The following FHIT variants were observed in gnomAD, a reference collection of about 807,000 sequenced individuals.
FHIT encodes fragile histidine triad diadenosine triphosphatase.
Under a neutral mutation model 17.9 loss-of-function variants are expected in FHIT, and 19 were observed. The ratio of observed to expected loss-of-function variants is 1.06; its 90% CI spans 0.74 to 1.56. The LOEUF is 1.56. Ranked by LOEUF, FHIT falls within the 40% of genes most tolerant of loss-of-function variation. FHIT has a pLI of 0.00. For missense variants in FHIT, 248 were observed against 189.2 expected, an observed-to-expected ratio of 1.31 and a Z score of -1.82; for synonymous variants, 81 against 69.7, an observed-to-expected ratio of 1.16 and a Z score of -0.81.
chr3:61,213,782 A>G (rs1344998903), intron 1 of FHIT, among the ~76,000 whole-genome samples: 1 of 152,246 alleles, frequency 6.6e-6, no homozygotes, highest in African/African-American at 2.4e-5. Context: ...CAAATGTAAA[A>G]GAACAGAAAT....
intron 5 of FHIT, among the ~76,000 whole-genome samples, chr3:60,392,343 C>T (rs1701266424): frequency 6.6e-6 from 1 of 152,048 alleles, no homozygotes; most frequent in African/African-American, 2.4e-5. Context: ...GGGGGCAATG[C>T]CCAAAATAAA....
At chr3:60,420,058 A>G (rs1051454949) in intron 5 of FHIT, among the ~76,000 whole-genome samples, 1 of 152,144 alleles carries the variant, frequency 6.6e-6, no homozygotes, top group African/African-American at 2.4e-5. Flanking sequence ...ACAATTCTGA[A>G]TCTTGCTTTA....
chr3:60,226,106 T>C (rs1704186874), intron 5 of FHIT, among the ~76,000 whole-genome samples: 1 of 151,984 alleles, frequency 6.6e-6, no homozygotes, highest in Non-Finnish European at 1.5e-5. Context: ...GGGGAATCCA[T>C]TTGGGGAAGA....
At position 60,859,723 on chromosome 3, in the gene FHIT, A is replaced by ATTTTTTTTTTTTTTTTT. The variant is rs71092647; in HGVS notation, c.-110-37729_-110-37713dup. Among the ~76,000 whole-genome samples the ATTTTTTTTTTTTTTTTT allele has an allele frequency of 7.5e-4, 39 of 51,924 alleles. 6 individuals carry two copies. The highest frequency in any genetic ancestry group is 9.5e-4 in the Non-Finnish European group (28 of 29,368). The allele number at this position is 51,924 out of a possible 152,430, so 34.1% of individuals were successfully genotyped here. On this transcript the variant is annotated intron_variant, in intron 3 of 9. Transcript: ENST00000492590. The stretch of plus-strand genomic sequence containing the variant: ...ACATTTGCAGTGGATTCTGAATACG[A>ATTTTTTTTTTTTTTTTT]TTTTTTTTTTTTTTTTTTTTTTTTT...
chr3:60,305,879 G>A (rs1405830812), intron 5 of FHIT, among the ~76,000 whole-genome samples: 1 of 152,120 alleles, frequency 6.6e-6, no homozygotes, highest in East Asian at 1.9e-4. Context: ...GTTTTATGAA[G>A]ACGGTTTTTG....
intron 7 of FHIT, among the ~76,000 whole-genome samples, chr3:59,974,900 T>C (rs576271310): frequency 1.3e-5 from 2 of 152,250 alleles, no homozygotes; most frequent in East Asian, 1.9e-4. Flanking sequence ...CAAAAGCAGG[T>C]TGCATTCTAC....
intron 7 of FHIT, among the ~76,000 whole-genome samples, chr3:59,976,303 A>G (rs1197046537): frequency 6.6e-6 from 1 of 152,232 alleles, no homozygotes; most frequent in South Asian, 2.1e-4. Context: ...TATATGGTAT[A>G]AGCAAATCCA....
At chr3:61,192,279 G>T (rs1439612056) in intron 2 of FHIT, among the ~76,000 whole-genome samples, 1 of 152,178 alleles carries the variant, frequency 6.6e-6, no homozygotes, top group African/African-American at 2.4e-5. Flanking sequence ...CTCTTATTCT[G>T]ATGGGTTTTT....
intron 5 of FHIT, among the ~76,000 whole-genome samples, chr3:60,251,501 A>T (rs532092013): frequency 6.6e-6 from 1 of 152,334 alleles, no homozygotes; most frequent in African/African-American, 2.4e-5. Flanking sequence ...TCAAGTGAAA[A>T]AACTAAAATT....
chr3:60,159,736 C>T (rs1035807805), intron 5 of FHIT, among the ~76,000 whole-genome samples: 1 of 152,130 alleles, frequency 6.6e-6, no homozygotes, highest in African/African-American at 2.4e-5. Context: ...CAGTTCAAAG[C>T]TGAGGAAACT....
At chr3:60,759,724 A>G (rs996391843) in intron 4 of FHIT, among the ~76,000 whole-genome samples, 2 of 152,202 alleles carry the variant, frequency 1.3e-5, no homozygotes, top group African/African-American at 4.8e-5. Flanking sequence ...TAAGAATAGA[A>G]CTGAGTAGAA....
At chr3:59,930,179 A>G (rs1307801264) in intron 7 of FHIT, among the ~76,000 whole-genome samples, 1 of 152,188 alleles carries the variant, frequency 6.6e-6, no homozygotes. Context: ...CTGGGGAGAC[A>G]TCAATACTCC....
intron 4 of FHIT, among the ~76,000 whole-genome samples, chr3:60,754,631 CA>C (rs1189966755): frequency 1.2e-3 from 173 of 140,680 alleles, no homozygotes; most frequent in Middle Eastern, 7.6e-3. Context: ...AACTCTGTCT[CA>C]AAAAAAAAAA....
At chr3:60,475,338 T>G (rs1273554359) in intron 5 of FHIT, among the ~76,000 whole-genome samples, 1 of 152,140 alleles carries the variant, frequency 6.6e-6, no homozygotes, top group East Asian at 1.9e-4. Flanking sequence ...ATGCCACAGG[T>G]TTGAAAAACA....
chr3:60,815,078 T>C (rs2262951), intron 4 of FHIT, among the ~76,000 whole-genome samples: 119,487 of 151,872 alleles, frequency 0.79, 48,278 homozygotes, highest in East Asian at 0.94. Flanking sequence ...CTTTTGCCCA[T>C]TTTTTAATGG....
At chr3:60,356,764 A>AAAAAAAAAAAAAC (rs1699679195) in intron 5 of FHIT, among the ~76,000 whole-genome samples, 1 of 136,786 alleles carries the variant, frequency 7.3e-6, no homozygotes, top group Non-Finnish European at 1.5e-5. Context: ...AAAAAAAAAA[A>AAAAAAAAAAAAAC]AAAAAAAAAA....
At chr3:60,269,901 T>G (rs7628257) in intron 5 of FHIT, among the ~76,000 whole-genome samples, 13,801 of 152,246 alleles carry the variant, frequency 0.091, 776 homozygotes, top group Non-Finnish European at 0.13. Context: ...TGGGTGAACA[T>G]TTGCTGACCT....
At chr3:60,431,652 G>A (rs897320690) in intron 5 of FHIT, among the ~76,000 whole-genome samples, 3 of 152,136 alleles carry the variant, frequency 2.0e-5, no homozygotes, top group Non-Finnish European at 4.4e-5. Flanking sequence ...TGCAGTAAAT[G>A]ACAAAGCCAT....
At chr3:60,180,912 TAAAC>T (rs1372329572) in intron 5 of FHIT, among the ~76,000 whole-genome samples, 6 of 152,160 alleles carry the variant, frequency 3.9e-5, no homozygotes, top group East Asian at 1.9e-4. Flanking sequence ...GCACATATTT[TAAAC>T]AAACTAAGTA....
Sources: gnomAD v4.1 joint callset for allele counts (sites outside exome capture counted in the v4.1 genomes callset) on GRCh38, gnomAD v4.1.1 for gene constraint, MANE v1.5 for transcripts, NCBI Gene and HGNC (gene_info 2026-07-23, HGNC 2026-07-21) for gene names.